EDAR: variants seen among roughly 807,000 people sequenced by gnomAD.
EDAR encodes the protein tumor necrosis factor receptor superfamily member EDAR.
In EDAR, 38 loss-of-function variants were observed where a neutral mutation model predicts 51.3. The observed-to-expected ratio is 0.74, with a 90% CI of 0.57 to 0.97. The LOEUF (loss-of-function observed/expected upper bound fraction) is 0.97, where lower values mean the gene tolerates loss of function less well. Ranked by LOEUF, EDAR falls within the 50% of genes least tolerant of loss-of-function variation. The pLI is 0.00. For missense variants in EDAR, 528 were observed against 595.0 expected (o/e 0.89, Z 1.17); for synonymous variants, 227 against 242.1 (o/e 0.94, Z 0.58).
intron 11 of EDAR, among the ~76,000 whole-genome samples, chr2:108,902,496 T>G (rs1335085060): frequency 6.6e-6 from 1 of 152,208 alleles, no homozygotes; most frequent in Non-Finnish European, 1.5e-5. Context: ...CGATCTTTTC[T>G]AGACATAGAA....
intron 1 of EDAR, among the ~76,000 whole-genome samples, chr2:108,950,207 CCCTCCCTCCCTCCCTTCCTT>C (rs1268988376): frequency 1.5e-5 from 2 of 135,064 alleles, no homozygotes; most frequent in Non-Finnish European, 3.3e-5. Flanking sequence ...CTCCCTACCT[CCCTCCCTCCCTCCCTTCCTT>C]CCTCCCTCCC....
At chr2:108,979,203 C>T (rs1698379170) in intron 1 of EDAR, among the ~76,000 whole-genome samples, 1 of 152,178 alleles carries the variant, frequency 6.6e-6, no homozygotes, top group South Asian at 2.1e-4. Context: ...AGGAACAGCT[C>T]TTTCTTGCTG....
At chr2:108,975,841 C>T (rs947833950) in intron 1 of EDAR, among the ~76,000 whole-genome samples, 1 of 152,112 alleles carries the variant, frequency 6.6e-6, no homozygotes, top group Non-Finnish European at 1.5e-5. Flanking sequence ...CAAGGCCACC[C>T]CTCAACTGCT....
At chr2:108,951,834 A>G (rs532965028) in intron 1 of EDAR, among the ~76,000 whole-genome samples, 2 of 152,284 alleles carry the variant, frequency 1.3e-5, no homozygotes, top group South Asian at 4.2e-4. Context: ...TTCTCAAATC[A>G]CAGTTATATT....
intron 4 of EDAR, among the ~76,000 whole-genome samples, chr2:108,927,629 T>C (rs1384342577): frequency 3.3e-5 from 5 of 151,702 alleles, no homozygotes; most frequent in Non-Finnish European, 7.4e-5. Context: ...CAGTAGGAAT[T>C]TGCCCCATGG....
chr2:108,960,062 A>T (rs551098232), intron 1 of EDAR, among the ~76,000 whole-genome samples: 1 of 152,226 alleles, frequency 6.6e-6, no homozygotes, highest in Admixed American at 6.5e-5. Context: ...CCCTCCAAAG[A>T]GGGAAGCTGG....
intron 1 of EDAR, among the ~76,000 whole-genome samples, chr2:108,987,920 T>C (rs535851787): frequency 3.5e-4 from 53 of 152,330 alleles, no homozygotes; most frequent in South Asian, 6.2e-4. Context: ...CATTCTCTAT[T>C]TTAGATGCCT....
chr2:108,906,581 C>T (rs1308004060), intron 10 of EDAR, among the ~76,000 whole-genome samples: 1 of 152,192 alleles, frequency 6.6e-6, no homozygotes, highest in African/African-American at 2.4e-5. Context: ...ACCACGGGTG[C>T]GTCTTAGGCT....
At chr2:108,944,677 G>C (rs1697680596) in intron 1 of EDAR, among the ~76,000 whole-genome samples, 1 of 152,172 alleles carries the variant, frequency 6.6e-6, no homozygotes, top group East Asian at 1.9e-4. Flanking sequence ...AACAAGGAGA[G>C]GCCCTGGGTC....
chr2:108,964,790 G>A (rs963847455), intron 1 of EDAR, among the ~76,000 whole-genome samples: 1 of 152,198 alleles, frequency 6.6e-6, no homozygotes, highest in Non-Finnish European at 1.5e-5. Flanking sequence ...TCTACCCAGA[G>A]AGCTGAGGTT....
At chr2:108,952,405 A>C (rs890315899) in intron 1 of EDAR, among the ~76,000 whole-genome samples, 1 of 152,368 alleles carries the variant, frequency 6.6e-6, no homozygotes, top group South Asian at 2.1e-4. Context: ...TGAGGACATG[A>C]TGAAATTTTT....
chr2:108,899,342 C>T (rs1696658789), intron 11 of EDAR, among the ~76,000 whole-genome samples: 1 of 152,066 alleles, frequency 6.6e-6, no homozygotes, highest in African/African-American at 2.4e-5. Context: ...TGAAAATATC[C>T]TTCAGGAAAG....
intron 5 of EDAR, among the ~76,000 whole-genome samples, chr2:108,913,462 A>G (rs1352153031): frequency 6.6e-6 from 1 of 152,128 alleles, no homozygotes. Context: ...TACATAGAGT[A>G]GGAATGTGTT....
intron 1 of EDAR, among the ~76,000 whole-genome samples, chr2:108,983,401 A>G (rs1466270595): frequency 6.6e-6 from 1 of 152,230 alleles, no homozygotes; most frequent in Non-Finnish European, 1.5e-5. Flanking sequence ...CCAAGGACAC[A>G]GAGCCTCAAT....
intron 11 of EDAR, among the ~76,000 whole-genome samples, chr2:108,899,846 C>T (rs1388109614): frequency 6.6e-6 from 1 of 151,948 alleles, no homozygotes; most frequent in East Asian, 1.9e-4. Flanking sequence ...AACACATTGG[C>T]GTGGTAGTGC....
chr2:108,964,455 A>C (rs1698111061), intron 1 of EDAR, among the ~76,000 whole-genome samples: 1 of 152,294 alleles, frequency 6.6e-6, no homozygotes, highest in East Asian at 1.9e-4. Flanking sequence ...TGAAGAGGAA[A>C]CCCAAAATAT....
At chr2:108,897,778 T>G (rs1696627383) in intron 11 of EDAR, among the ~76,000 whole-genome samples, 2 of 152,212 alleles carry the variant, frequency 1.3e-5, no homozygotes, top group South Asian at 2.1e-4. Flanking sequence ...AACTTGATAT[T>G]GCTGTTTCTG....
intron 11 of EDAR, among the ~76,000 whole-genome samples, chr2:108,903,501 A>G (rs775116130): frequency 2.6e-5 from 4 of 152,218 alleles, no homozygotes; most frequent in Non-Finnish European, 5.9e-5. Flanking sequence ...ATGTTATTAC[A>G]TAATTTATAC....
intron 5 of EDAR, among the ~76,000 whole-genome samples, chr2:108,920,037 A>T (rs1304433134): frequency 6.6e-6 from 1 of 152,146 alleles, no homozygotes; most frequent in Admixed American, 6.5e-5. Context: ...AAGTGGCACC[A>T]TGTCCACATG....
Sources: gnomAD v4.1 joint callset for allele counts (sites outside exome capture counted in the v4.1 genomes callset) on GRCh38, gnomAD v4.1.1 for gene constraint, MANE v1.5 for transcripts, NCBI Gene and HGNC (gene_info 2026-07-23, HGNC 2026-07-21) for gene names.